The following SUPT7L variants were observed in gnomAD, a reference collection of about 807,000 sequenced individuals.
SUPT7L encodes the protein SPT7 like, STAGA complex subunit gamma, also known as STAGA complex 65 subunit gamma.
Under a neutral mutation model 35.7 loss-of-function variants are expected in SUPT7L, and 15 were observed. That is an observed-to-expected ratio of 0.42 (90% CI 0.28 to 0.65). SUPT7L has a LOEUF of 0.65. Among genes scored for constraint, SUPT7L ranks in the 30% least tolerant of loss-of-function variants. The probability of loss-of-function intolerance (pLI) is 0.23; values close to 1 mark genes in which losing one functional copy is unlikely to be tolerated. For missense variants in SUPT7L, 434 were observed against 522.2 expected, an observed-to-expected ratio of 0.83 and a Z score of 1.65; for synonymous variants, 168 against 186.2, an observed-to-expected ratio of 0.90 and a Z score of 0.79.
intron 3 of SUPT7L, among the ~76,000 whole-genome samples, chr2:27,660,709 C>T (rs1384303387): frequency 6.6e-6 from 1 of 152,012 alleles, no homozygotes; most frequent in Admixed American, 6.6e-5. Flanking sequence ...ACTATGAGGC[C>T]ATGGCCTTTT....
Position 27,657,432 on chromosome 2 carries a change from T to A in SUPT7L, c.657A>T (p.Val219=), listed in dbSNP as rs767218681. 6 of 1,614,146 alleles carry A rather than the reference T, an allele frequency of 3.7e-6. No homozygotes were observed. Among genetic ancestry groups the A allele is most frequent in the Non-Finnish European group, 5.1e-6 (6 of 1,180,060 alleles). Residue 219 remains valine (V), a synonymous_variant, in exon 4 of 6, where the codon GTA becomes GTT. Transcript: ENST00000337768. The surrounding 1 kb of genome is among the most constrained non-coding windows in gnomAD (Gnocchi z 5.2). ...CACTGCCAATACCCACTTCATGGAA[T>A]ACCTGCTCCATCACATCAGGAAAAG... is the stretch of plus-strand genomic sequence containing the variant. ...QTPFPDVMEQ[V]FHEVGIGSVL...
downstream of SUPT7L, chr2:27,650,175 A>G: frequency 6.2e-7 from 1 of 1,601,318 alleles, no homozygotes; most frequent in African/African-American, 1.3e-5. Flanking sequence ...TCGATGGCAC[A>G]ATACTGGAAG....
downstream of SUPT7L, among the ~76,000 whole-genome samples, chr2:27,647,440 G>C (rs1024795654): frequency 1.3e-5 from 2 of 152,104 alleles, no homozygotes; most frequent in African/African-American, 4.8e-5. Flanking sequence ...ATTTCCACCA[G>C]GAGGCTTCCT....
At position 27,655,500 on chromosome 2, in the gene SUPT7L, T is replaced by A; in HGVS notation, c.847A>T (p.Ile283Phe). 1 of 1,614,158 alleles carries A rather than the reference T, an allele frequency of 6.2e-7. No individual in the cohort carries two copies. The highest frequency in any genetic ancestry group is 8.5e-7 in the Non-Finnish European group (1 of 1,180,004). The change falls in exon 5 of 6, where the codon ATC (isoleucine) becomes TTC (phenylalanine). Residue 283 changes from isoleucine (I) to phenylalanine (F), a missense_variant. Physicochemically the swap from Ile to Phe is conservative, Grantham distance 21. Coordinates refer to ENST00000337768, the MANE Select transcript of SUPT7L (RefSeq NM_014860.3). ...VKIKEEPVSD[I>F]TFPVSEELEA... is the part of the protein sequence containing the mutation. ...AGCTCCTCACTGACAGGAAAAGTGATGTCGCTCACAGGTTCCTCCTTGATC... is the reference window on the plus strand; with the variant it reads ...AGCTCCTCACTGACAGGAAAAGTGAAGTCGCTCACAGGTTCCTCCTTGATC...
downstream of SUPT7L, chr2:27,647,692 T>TA: frequency 1.7e-6 from 1 of 591,938 alleles, no homozygotes; most frequent in Non-Finnish European, 3.1e-6. Context: ...TAAGTGGTAT[T>TA]AACAATACAT....
intron 2 of SUPT7L, chr2:27,661,622 G>T: frequency 7.3e-7 from 1 of 1,377,816 alleles, no homozygotes; most frequent in Non-Finnish European, 9.4e-7. Flanking sequence ...TAAGAGAAAT[G>T]TAACTGTTAG....
At position 27,651,809 on chromosome 2, in the gene SUPT7L, G is replaced by T. The variant is rs972212437; in HGVS notation, c.*1676C>A. On this transcript the variant is annotated 3_prime_UTR_variant, in exon 6 of 6. Transcript: ENST00000337768. ...TACGGCCACTTTATGGAAACTAACTGCCTAATCGCCACTTTCATTATAAAC... is the reference window on the plus strand; with the variant it reads ...TACGGCCACTTTATGGAAACTAACTTCCTAATCGCCACTTTCATTATAAAC... 10 of 152,172 alleles carry T rather than the reference G, an allele frequency of 6.6e-5. No homozygotes were observed. The highest frequency in any genetic ancestry group is 2.4e-4 in the African/African-American group (10 of 41,444). 9.4% of individuals were successfully genotyped at this position (152,172 alleles called of 1,614,324 possible).
rs1233992692 is a variant in SUPT7L, at chr2:27,655,484, C to G, written c.863G>C (p.Ser288Thr). ...EPVSDITFPV[S>T]EELEADLASG... ...AGCAAGGTCAGCCTCCAGCTCCTCACTGACAGGAAAAGTGATGTCGCTCAC... is the reference window on the plus strand; with the variant it reads ...AGCAAGGTCAGCCTCCAGCTCCTCAGTGACAGGAAAAGTGATGTCGCTCAC... Residue 288 changes from serine (S) to threonine (T), a missense_variant, in exon 5 of 6, where the codon AGT becomes ACT. By Grantham distance (58) the Ser-to-Thr change is moderately conservative (BLOSUM62 1). Transcript: ENST00000337768. 1 of 1,614,200 alleles carries G rather than the reference C, an allele frequency of 6.2e-7. No homozygotes were observed. The highest frequency in any genetic ancestry group is 2.2e-5 in the East Asian group (1 of 44,874).
At chr2:27,643,157 C>T in the SUPT7L span, among the ~76,000 whole-genome samples, 1 of 150,336 alleles carries the variant, frequency 6.7e-6, no homozygotes. The surrounding 1 kb of genome is among the most constrained non-coding windows in gnomAD (Gnocchi z 4.0). Flanking sequence ...TTGTTTCTAA[C>T]ACTTTTAACC....
At chr2:27,661,759 CACTA>C (rs1268264910) in intron 2 of SUPT7L, 1 of 540,882 alleles carries the variant, frequency 1.8e-6, no homozygotes, top group African/African-American at 2.0e-5. Flanking sequence ...CCATCTCACT[CACTA>C]ACTCATTACC....
rs1485284242 is a variant in SUPT7L, at chr2:27,657,525, C to T, written c.564G>A (p.Glu188=). 6 of 1,614,146 alleles carry T rather than the reference C, an allele frequency of 3.7e-6. No homozygotes were observed. Among genetic ancestry groups the T allele is most frequent in the Non-Finnish European group, 5.1e-6 (6 of 1,180,052 alleles). Residue 188 remains glutamate, a synonymous_variant, in exon 4 of 6, where the codon GAG becomes GAA. Transcript: ENST00000337768. The surrounding 1 kb of genome is among the most constrained non-coding windows in gnomAD (Gnocchi z 5.2). ...VLETLTDVAH[E]YCLKFTKLLR... is the part of the protein sequence containing the mutation. ...GCAACTTGGTAAACTTAAGGCAATA[C>T]TCATGTGCCACATCAGTTAGGGTCT...
chr2:27,648,207 T>C (rs187949859), downstream of SUPT7L, among the ~76,000 whole-genome samples: 2 of 152,288 alleles, frequency 1.3e-5, no homozygotes, highest in East Asian at 3.9e-4. Flanking sequence ...TTGTTTGTTG[T>C]TATTAGTATT....
intron 3 of SUPT7L, among the ~76,000 whole-genome samples, chr2:27,659,183 T>C (rs753491042): frequency 2.0e-5 from 3 of 152,188 alleles, no homozygotes; most frequent in Non-Finnish European, 4.4e-5. Context: ...CAGTTATGCC[T>C]CCCCTTTTCA....
intron 5 of SUPT7L, 111 bp downstream of exon 5, chr2:27,655,254 T>G: frequency 1.1e-6 from 1 of 892,948 alleles, no homozygotes; most frequent in Non-Finnish European, 1.7e-6. Context: ...CTTTCCATTC[T>G]GCCCACTGCT....
chr2:27,654,716 A>G (rs1326934776), intron 5 of SUPT7L, among the ~76,000 whole-genome samples: 1 of 152,066 alleles, frequency 6.6e-6, no homozygotes, highest in East Asian at 1.9e-4. Context: ...ACGGGTGCCC[A>G]CCACCACGCC....
At chr2:27,661,632 G>C (rs1232713295) in intron 2 of SUPT7L, 1 of 1,363,876 alleles carries the variant, frequency 7.3e-7, no homozygotes, top group Non-Finnish European at 9.4e-7. Context: ...GTAACTGTTA[G>C]ATGCTGGTTA....
downstream of SUPT7L, chr2:27,647,974 C>T (rs1342229914): frequency 2.5e-6 from 3 of 1,203,014 alleles, no homozygotes; most frequent in Non-Finnish European, 3.7e-6. Context: ...CCCGTGGCAA[C>T]AGAGCATCTG....
intron 5 of SUPT7L, among the ~76,000 whole-genome samples, chr2:27,654,619 T>C (rs2148110673): frequency 6.6e-6 from 1 of 152,084 alleles, no homozygotes; most frequent in South Asian, 2.1e-4. Context: ...CAGGCTGGAG[T>C]GCAGTGGTGC....
At position 27,655,657 on chromosome 2, in the gene SUPT7L, G is replaced by C. The variant is rs1019347046; in HGVS notation, c.745-55C>G. On this transcript the variant is annotated intron_variant, in intron 4 of 5. Transcript: ENST00000337768. ...GGAAATGTTAAAAGCAAGTTGGATA[G>C]TCAGCTTGTGACGTCCCATGGAAAA... 12 of 1,456,586 alleles carry C rather than the reference G, an allele frequency of 8.2e-6. No homozygotes were observed. In the African/African-American group the frequency reaches 1.7e-4, roughly 21 times the overall value. The allele number at this position is 1,456,586 out of a possible 1,614,324, so 90.2% of individuals were successfully genotyped here. A position where few individuals can be genotyped will look rare whatever the true frequency, so the allele number is the denominator to read the frequency against.
Sources: allele counts gnomAD v4.1 joint callset (sites outside exome capture counted in the v4.1 genomes callset), GRCh38; gene constraint gnomAD v4.1.1; non-coding constraint Gnocchi (gnomAD v3.1); transcripts MANE v1.5; gene names NCBI Gene and HGNC (gene_info 2026-07-23, HGNC 2026-07-21).